CDH10: variants seen among roughly 807,000 people sequenced by gnomAD.
CDH10 encodes cadherin-10.
Under a neutral mutation model 73.1 loss-of-function variants are expected in CDH10, and 30 were observed. The observed-to-expected ratio is 0.41, with a 90% CI of 0.31 to 0.56. The LOEUF (loss-of-function observed/expected upper bound fraction) is 0.56. Among genes scored for constraint, CDH10 ranks in the 20% least tolerant of loss-of-function variants. The pLI is 0.27. For synonymous variants in CDH10, 345 were observed against 348.2 expected (o/e 0.99, Z 0.10); for missense variants, 815 against 973.7 (o/e 0.84, Z 2.17).
At chr5:24,551,592 G>A (rs934559014) in intron 2 of CDH10, among the ~76,000 whole-genome samples, 2 of 151,978 alleles carry the variant, frequency 1.3e-5, no homozygotes, top group African/African-American at 4.8e-5. Context: ...TATTTTTAAA[G>A]CTTTTCTTTT....
intron 2 of CDH10, among the ~76,000 whole-genome samples, chr5:24,573,498 G>T (rs1745475398): frequency 6.6e-6 from 1 of 151,828 alleles, no homozygotes; most frequent in Admixed American, 6.6e-5. Context: ...TCAGGAGATT[G>T]AGACCATCCT....
At chr5:24,604,871 T>TCAAAAAAAAAAAAAAAAAAAAAAA (rs1453322652) in intron 1 of CDH10, among the ~76,000 whole-genome samples, 1 of 116,332 alleles carries the variant, frequency 8.6e-6, no homozygotes, top group African/African-American at 4.5e-5. Context: ...AAGATGTCTC[T>TCAAAAAAAAAAAAAAAAAAAAAAA]AAAAAAAAAA....
chr5:24,547,163 A>G (rs925391557), intron 2 of CDH10, among the ~76,000 whole-genome samples: 11 of 152,332 alleles, frequency 7.2e-5, no homozygotes, highest in African/African-American at 2.6e-4. Context: ...TATAAATGCT[A>G]ATCCAAATTT....
chr5:24,497,102 C>T (rs1169557), intron 9 of CDH10, among the ~76,000 whole-genome samples: 7,503 of 151,868 alleles, frequency 0.049, 369 homozygotes, highest in African/African-American at 0.13. Flanking sequence ...GGTATGGAGA[C>T]GTTGTGAGCC....
chr5:24,522,612 G>C (rs1419657071), intron 5 of CDH10, among the ~76,000 whole-genome samples: 1 of 152,152 alleles, frequency 6.6e-6, no homozygotes, highest in East Asian at 1.9e-4. Flanking sequence ...GCATCTTCAG[G>C]TCTGCCAAAT....
intron 2 of CDH10, among the ~76,000 whole-genome samples, chr5:24,554,492 G>A (rs1213622998): frequency 1.1e-4 from 16 of 150,898 alleles, no homozygotes; most frequent in Admixed American, 2.0e-4. Flanking sequence ...GTGTGTGTGT[G>A]TGTGTGTGTG....
intron 1 of CDH10, among the ~76,000 whole-genome samples, chr5:24,601,885 G>GACCCTA (rs1746577404): frequency 6.6e-6 from 1 of 152,190 alleles, no homozygotes; most frequent in South Asian, 2.1e-4. Context: ...TTCACACCCT[G>GACCCTA]ACCCTAACCC....
chr5:24,504,626 C>T (rs76860581), intron 8 of CDH10, among the ~76,000 whole-genome samples: 11 of 148,044 alleles, frequency 7.4e-5, no homozygotes, highest in Non-Finnish European at 1.0e-4. Context: ...CCCAGGTTCA[C>T]GCCATTCTCC....
At chr5:24,507,951 A>G (rs1009471750) in intron 7 of CDH10, among the ~76,000 whole-genome samples, 10 of 152,230 alleles carry the variant, frequency 6.6e-5, no homozygotes, top group Non-Finnish European at 1.3e-4. Flanking sequence ...TAACATAGGT[A>G]TTCATAAAAT....
intron 1 of CDH10, among the ~76,000 whole-genome samples, chr5:24,618,480 G>T (rs1747199101): frequency 6.6e-6 from 1 of 152,118 alleles, no homozygotes; most frequent in Non-Finnish European, 1.5e-5. Context: ...ATATTAAGTG[G>T]ATAAGCATGA....
intron 1 of CDH10, among the ~76,000 whole-genome samples, chr5:24,632,943 G>A (rs2112200799): frequency 6.6e-6 from 1 of 151,662 alleles, no homozygotes; most frequent in East Asian, 1.9e-4. Context: ...GATACTTTAG[G>A]ATGTAACATA....
intron 2 of CDH10, among the ~76,000 whole-genome samples, chr5:24,538,815 A>T (rs929325928): frequency 4.6e-5 from 7 of 152,038 alleles, no homozygotes; most frequent in South Asian, 2.1e-4. Context: ...CCTGCCCTAT[A>T]TAGAATTCTT....
rs562171356 is a variant in CDH10, at chr5:24,509,215, A to G, written c.1256+351T>C. Among the ~76,000 whole-genome samples the G allele has an allele frequency of 6.3e-3, 840 of 133,596 alleles. 10 individuals carry two copies. The highest frequency in any genetic ancestry group is 0.023 in the African/African-American group (813 of 35,672). The allele number at this position is 133,596 out of a possible 152,430, so 87.6% of individuals were successfully genotyped here. On this transcript the variant is annotated intron_variant, in intron 7 of 11. Coordinates refer to ENST00000264463, the MANE Select transcript of CDH10 (RefSeq NM_006727.5). ...CTGCTTTTTTTTTTTTTTTCATTTT[A>G]AACAACATTTTGTTCTCCTTTTTCC...
rs373747492 is a variant in CDH10 at position 24,509,535 on chromosome 5, G to A, written c.1256+31C>T. ...ATTACAGGCGTGAGCCACCGAGCCC[G>A]GCTGTTTTCATTTTTAAAAGGCACA... is the stretch of plus-strand genomic sequence containing the variant. On this transcript the variant is annotated intron_variant, in intron 7 of 11. Coordinates refer to ENST00000264463, the MANE Select transcript of CDH10 (RefSeq NM_006727.5). The A allele has an allele frequency of 4.9e-5, 78 of 1,608,192 alleles. No individual in the cohort carries two copies. The African/African-American group carries it at 5.9e-4, about 12-fold the overall frequency.
chr5:24,533,047 TAAC>T (rs1466809076), intron 5 of CDH10, among the ~76,000 whole-genome samples: 1 of 152,068 alleles, frequency 6.6e-6, no homozygotes, highest in East Asian at 1.9e-4. Context: ...TAAATATTCA[TAAC>T]AAAAAAGATA....
intron 1 of CDH10, chr5:24,612,579 G>A (rs1177564348): frequency 2.0e-5 from 3 of 152,086 alleles, no homozygotes; most frequent in South Asian, 2.1e-4. Flanking sequence ...TGATCAATGC[G>A]TTAATGGTAC....
chr5:24,635,353 C>T (rs1747833242), intron 1 of CDH10, among the ~76,000 whole-genome samples: 1 of 151,970 alleles, frequency 6.6e-6, no homozygotes, highest in Admixed American at 6.6e-5. Context: ...GCAGTGTATT[C>T]AGAAATGGCT....
intron 2 of CDH10, among the ~76,000 whole-genome samples, chr5:24,563,195 A>G (rs1745024936): frequency 6.6e-6 from 1 of 152,102 alleles, no homozygotes; most frequent in Admixed American, 6.5e-5. Context: ...GATTTAGGTG[A>G]CTGCAATAAT....
At chr5:24,607,761 A>G (rs1746808877) in intron 1 of CDH10, among the ~76,000 whole-genome samples, 1 of 152,210 alleles carries the variant, frequency 6.6e-6, no homozygotes, top group Non-Finnish European at 1.5e-5. Flanking sequence ...TCACACAATG[A>G]AAGTTTTGTC....
Sources: gnomAD v4.1 joint callset for allele counts (sites outside exome capture counted in the v4.1 genomes callset) on GRCh38, gnomAD v4.1.1 for gene constraint, MANE v1.5 for transcripts, NCBI Gene and HGNC (gene_info 2026-07-23, HGNC 2026-07-21) for gene names.